MAP1B: variants seen among roughly 807,000 people sequenced by gnomAD.
The protein encoded by MAP1B is microtubule associated protein 1B.
In MAP1B, 12 loss-of-function variants were observed where a neutral mutation model predicts 176.1. The observed-to-expected ratio is 0.07, with a 90% CI of 0.04 to 0.11. MAP1B has a LOEUF of 0.11. MAP1B is among the 10% of genes least tolerant of loss of function. MAP1B has a pLI of 1.00. For synonymous variants in MAP1B, 1,044 were observed against 1,135.0 expected, an observed-to-expected ratio of 0.92 and a Z score of 1.61; for missense variants, 2,523 against 2,990.5, an observed-to-expected ratio of 0.84 and a Z score of 3.65.
At position 72,195,783 on chromosome 5, in the gene MAP1B, G is replaced by A. The variant is rs1747145915; in HGVS notation, c.2428G>A (p.Ala810Thr). ...GTGATTAAVM[A>T]AAGIAAIGPA... ...TGGAGCCACCACAGCAGCTGTCATG[G>A]CGGCAGCTGGAATAGCAGCCATTGG... The change falls in exon 5 of 7, where the codon GCG becomes ACG. Residue 810 changes from alanine to threonine, a missense_variant. By Grantham distance (58) the Ala-to-Thr change is moderately conservative (BLOSUM62 0). Transcript: ENST00000296755. The A allele has an allele frequency of 1.2e-6, 2 of 1,614,154 alleles. No individual in the cohort carries two copies. The highest frequency in any genetic ancestry group is 8.5e-7 in the Non-Finnish European group (1 of 1,179,984).
intron 2 of MAP1B, among the ~76,000 whole-genome samples, chr5:72,152,044 T>C (rs962186293): frequency 1.3e-5 from 2 of 152,306 alleles, no homozygotes; most frequent in African/African-American, 4.8e-5. Context: ...TTAAACTACA[T>C]GGCAGATTTT....
chr5:72,189,505 A>C (rs944147106), intron 4 of MAP1B, among the ~76,000 whole-genome samples: 1 of 152,114 alleles, frequency 6.6e-6, no homozygotes, highest in African/African-American at 2.4e-5. Context: ...AACCCTGCTC[A>C]CTGTCCTTCA....
chr5:72,187,603 T>C (rs1746936527), intron 4 of MAP1B, among the ~76,000 whole-genome samples: 1 of 151,944 alleles, frequency 6.6e-6, no homozygotes, highest in East Asian at 1.9e-4. Flanking sequence ...ATAAGAAGAG[T>C]CCCCACATCT....
At chr5:72,177,429 T>C (rs906593078) in intron 2 of MAP1B, among the ~76,000 whole-genome samples, 2 of 151,328 alleles carry the variant, frequency 1.3e-5, no homozygotes, top group Non-Finnish European at 2.9e-5. Context: ...CTTCCTTATT[T>C]GCTGGTACCT....
At chr5:72,162,965 C>T (rs1344996495) in intron 2 of MAP1B, among the ~76,000 whole-genome samples, 2 of 152,080 alleles carry the variant, frequency 1.3e-5, no homozygotes, top group African/African-American at 4.8e-5. Flanking sequence ...TGTGGGGGCT[C>T]ACGCCTGTAA....
chr5:72,122,223 G>C (rs1181784395), intron 2 of MAP1B, among the ~76,000 whole-genome samples: 1 of 152,016 alleles, frequency 6.6e-6, no homozygotes, highest in Non-Finnish European at 1.5e-5. Context: ...CCCGTGCCCT[G>C]AGCCCTCCTG....
rs1257123518 is a variant in MAP1B at position 72,196,587 on chromosome 5, G to T, written c.3232G>T (p.Gly1078Cys). Residue 1078 changes from glycine (G) to cysteine (C), a missense_variant, in exon 5 of 7, where the codon GGC (glycine) becomes TGC (cysteine). By Grantham distance (159) the Gly-to-Cys change is radical. Transcript: ENST00000296755. The surrounding 1 kb of genome is among the most constrained non-coding windows in gnomAD (Gnocchi z 5.3). ...PTKQLGAQSPGREPASSIHDE... is the reference protein window; with the variant it reads ...PTKQLGAQSPCREPASSIHDE... ...CAAGCAACTAGGAGCCCAGTCTCCT[G>T]GCCGAGAACCTGCATCTTCAATTCA... 3.1e-6 allele frequency: 5 copies of T among 1,613,820 alleles called. No homozygotes were observed. The highest frequency in any genetic ancestry group is 4.2e-6 in the Non-Finnish European group (5 of 1,180,024).
intron 4 of MAP1B, among the ~76,000 whole-genome samples, chr5:72,192,752 G>A (rs1435242215): frequency 6.6e-6 from 1 of 152,206 alleles, no homozygotes; most frequent in Non-Finnish European, 1.5e-5. Flanking sequence ...GAGCTGATTT[G>A]TGAGCTTTAC....
chr5:72,183,884 GT>G, intron 3 of MAP1B, 59 bp downstream of exon 3: 1 of 1,476,450 alleles, frequency 6.8e-7, no homozygotes, highest in East Asian at 2.3e-5. Context: ...TAGGGACCCA[GT>G]GGATTAGAAG....
intron 4 of MAP1B, among the ~76,000 whole-genome samples, chr5:72,189,960 A>G (rs1235907423): frequency 6.6e-6 from 1 of 152,174 alleles, no homozygotes; most frequent in Non-Finnish European, 1.5e-5. Flanking sequence ...AAGAAGAGAA[A>G]GGGCCCAGGT....
chr5:72,116,414 T>G, intron 2 of MAP1B: 1 of 418,518 alleles, frequency 2.4e-6, no homozygotes, highest in Non-Finnish European at 4.6e-6. Context: ...AAATAGCCTT[T>G]TTTTCAGAGA....
chr5:72,200,464 T>A, intron 5 of MAP1B, 97 bp downstream of exon 5: 5 of 1,436,190 alleles, frequency 3.5e-6, no homozygotes, highest in Non-Finnish European at 4.7e-6. Context: ...ACTGGGAAGA[T>A]GAGGGAGCAC....
At chr5:72,145,048 C>T (rs1746020239) in intron 2 of MAP1B, among the ~76,000 whole-genome samples, 1 of 152,142 alleles carries the variant, frequency 6.6e-6, no homozygotes, top group African/African-American at 2.4e-5. Flanking sequence ...ACGCTCTGTC[C>T]AGCTGTGGGG....
chr5:72,205,418 A>T lies in MAP1B; in HGVS notation c.*179A>T. On this transcript the variant is annotated 3_prime_UTR_variant, in exon 7 of 7. Coordinates refer to ENST00000296755, the MANE Select transcript of MAP1B (RefSeq NM_005909.5). ...AATTTCTCAGTTTTTGCTGATTGCT[A>T]AGGGAAATAACAGTATTTCCACAAT... The T allele has an allele frequency of 3.3e-6, 2 of 609,494 alleles. No individual in the cohort carries two copies. Among genetic ancestry groups the T allele is most frequent in the South Asian group, 4.4e-5 (2 of 44,994 alleles). 37.8% of individuals were successfully genotyped at this position (609,494 alleles called of 1,614,324 possible).
chr5:72,162,218 T>C (rs1225025054), intron 2 of MAP1B, among the ~76,000 whole-genome samples: 4 of 152,094 alleles, frequency 2.6e-5, no homozygotes, highest in Admixed American at 2.6e-4. Flanking sequence ...TGGCGAGAGA[T>C]GAGTGTCTGA....
chr5:72,198,459 A>G lies in MAP1B; in HGVS notation c.5104A>G (p.Lys1702Glu), dbSNP rs1202669162. ...CATGCAGGACTCCAGTTTATCACAT[A>G]AGATACCACCTATGGAGGAGCCGTC... ...SDMQDSSLSH[K>E]IPPMEEPSYT... Residue 1702 changes from lysine (K) to glutamate (E), a missense_variant, in exon 5 of 7, where the codon AAG (lysine) becomes GAG (glutamate). Transcript: ENST00000296755. 1 of 1,613,912 alleles carries G rather than the reference A, an allele frequency of 6.2e-7. No individual in the cohort carries two copies. The highest frequency in any genetic ancestry group is 8.5e-7 in the Non-Finnish European group (1 of 1,180,008).
rs372699891 is a variant in MAP1B at position 72,194,132 on chromosome 5, G to A, written c.777G>A (p.Lys259=). The change falls in exon 5 of 7, where the codon AAG becomes AAA. Residue 259 remains lysine, a synonymous_variant. Transcript: ENST00000296755. This position sits in a 1 kb window ranked among gnomAD's most constrained non-coding sequence, Gnocchi z 7.2. ...PTSGGFLKLS[K]PCCYIFPGGR... is the part of the protein sequence containing the mutation. ...CGGGTGGATTTCTGAAGCTCTCCAA[G>A]CCCTGCTGTTATATTTTTCCAGGAG... 5.0e-6 allele frequency: 8 copies of A among 1,614,196 alleles called. No homozygotes were observed. The African/African-American group carries it at 1.1e-4, about 22-fold the overall frequency.
chr5:72,111,001 A>G (rs143635130), intron 1 of MAP1B, among the ~76,000 whole-genome samples: 1 of 152,210 alleles, frequency 6.6e-6, no homozygotes, highest in East Asian at 1.9e-4. Flanking sequence ...AGTTTGGAAC[A>G]ATAGTGTTTC....
intron 2 of MAP1B, among the ~76,000 whole-genome samples, chr5:72,118,045 A>G (rs188836068): frequency 1.3e-5 from 2 of 152,362 alleles, no homozygotes; most frequent in East Asian, 3.9e-4. Context: ...TCCTGAACAA[A>G]CTGGAAAGGT....
Sources: gnomAD v4.1 joint callset for allele counts (sites outside exome capture counted in the v4.1 genomes callset) on GRCh38, gnomAD v4.1.1 for gene constraint, Gnocchi (gnomAD v3.1) non-coding constraint, MANE v1.5 for transcripts, NCBI Gene and HGNC (gene_info 2026-07-23, HGNC 2026-07-21) for gene names.